Variants in GSTM2 observed in about 807,000 individuals in gnomAD.
GSTM2 encodes glutathione S-transferase mu 2.
Under a neutral mutation model 33.3 loss-of-function variants are expected in GSTM2, and 33 were observed. That is an observed-to-expected ratio of 0.99 (90% CI 0.75 to 1.33). The LOEUF (loss-of-function observed/expected upper bound fraction) is 1.33, where lower values mean the gene tolerates loss of function less well. GSTM2 is among the 40% of genes most tolerant of loss of function. The pLI, the probability that GSTM2 is intolerant of heterozygous loss-of-function variation, is 0.00. For missense variants in GSTM2, 213 were observed against 265.8 expected (o/e 0.80, Z 1.38); for synonymous variants, 93 against 95.6 (o/e 0.97, Z 0.16).
chr1:109,673,614 G>A (rs555039616), intron 7 of GSTM2: 5 of 244,596 alleles, frequency 2.0e-5, no homozygotes, highest in Admixed American at 1.0e-4. Context: ...GCTATGGCCC[G>A]TTATGTGCCA....
At chr1:109,678,133 T>C (rs929559371), downstream of GSTM2, among the ~76,000 whole-genome samples, 39 of 152,152 alleles carry the variant, frequency 2.6e-4, no homozygotes, top group African/African-American at 6.5e-4. Context: ...TCTACAGTTT[T>C]TTCTCTTTAA....
At chr1:109,673,216 G>A in intron 7 of GSTM2, 1 of 1,612,024 alleles carries the variant, frequency 6.2e-7, no homozygotes, top group Non-Finnish European at 8.5e-7. Context: ...TTCCCCCTGT[G>A]AGATGAGTAG....
At chr1:109,672,091 C>A (rs917321140) in intron 7 of GSTM2, among the ~76,000 whole-genome samples, 1 of 150,122 alleles carries the variant, frequency 6.7e-6, no homozygotes, top group Non-Finnish European at 1.5e-5. Flanking sequence ...ACCAGCCTGA[C>A]CAACATGGTG....
At chr1:109,671,198 G>C in intron 5 of GSTM2, 89 bp from the exon 6 acceptor site, 1 of 869,874 alleles carries the variant, frequency 1.1e-6, no homozygotes, top group South Asian at 1.4e-5. Context: ...GCTTGCCCGC[G>C]GCCAGCTGGG....
chr1:109,678,678 T>A (rs1229611153), downstream of GSTM2, among the ~76,000 whole-genome samples: 1 of 150,610 alleles, frequency 6.6e-6, no homozygotes, highest in African/African-American at 2.4e-5. Flanking sequence ...GACAATTGCT[T>A]GAACTCAGGA....
downstream of GSTM2, among the ~76,000 whole-genome samples, chr1:109,677,565 A>G (rs569612589): frequency 7.2e-5 from 11 of 152,330 alleles, no homozygotes; most frequent in South Asian, 2.1e-3. Flanking sequence ...AAGGACACAC[A>G]ATCTCATTCC....
chr1:109,668,096 A>G lies in GSTM2; in HGVS notation c.-20A>G, dbSNP rs774892212. 4 of 1,613,798 alleles carry G rather than the reference A, an allele frequency of 2.5e-6. No homozygotes were observed. Among genetic ancestry groups the G allele is most frequent in the African/African-American group, 1.3e-5 (1 of 75,028 alleles). On this transcript the variant is annotated 5_prime_UTR_variant, in exon 1 of 8. Coordinates refer to ENST00000241337, the MANE Select transcript of GSTM2 (RefSeq NM_000848.4). ...CCGCCCCGCTGAGGCCTGTCTGCAG[A>G]ATCCACAGCAACCAGCACCATGCCC... is the stretch of plus-strand genomic sequence containing the variant.
chr1:109,672,141 G>A (rs1407967092), intron 7 of GSTM2, among the ~76,000 whole-genome samples: 12 of 151,934 alleles, frequency 7.9e-5, no homozygotes, highest in African/African-American at 2.4e-4. Context: ...TTAGCTGGGC[G>A]TGGTGGCACA....
intron 5 of GSTM2, chr1:109,669,882 AG>A (rs998643774): frequency 6.1e-5 from 19 of 312,840 alleles, no homozygotes; most frequent in African/African-American, 3.8e-4. Context: ...GCGCGTCTGG[AG>A]TTGTTTATTC....
intron 7 of GSTM2, chr1:109,673,052 T>A (rs1647601772): frequency 3.7e-6 from 3 of 803,380 alleles, no homozygotes; most frequent in Non-Finnish European, 6.0e-6. Context: ...GTATTTTTAG[T>A]AGAGATGGGG....
At chr1:109,668,309 G>C (rs568707069) in intron 1 of GSTM2, 116 bp from the exon 2 acceptor site, 1 of 1,370,024 alleles carries the variant, frequency 7.3e-7, no homozygotes, top group Admixed American at 1.7e-5. Context: ...TGGGCGTGCG[G>C]GGTGGGGGCG....
intron 2 of GSTM2, 90 bp from the exon 3 acceptor site, chr1:109,668,835 G>A (rs928048098): frequency 1.4e-6 from 2 of 1,450,746 alleles, no homozygotes; most frequent in Non-Finnish European, 1.9e-6. Context: ...CCTGTCTCAG[G>A]GGTCTTGCCA....
In GSTM2 at chr1:109,674,734, TC is replaced by T. The variant is rs752318495; in HGVS notation, c.568-7del. 1 of 1,613,844 alleles carries T rather than the reference TC, an allele frequency of 6.2e-7. No individual in the cohort carries two copies. On this transcript the variant is annotated splice_polypyrimidine_tract_variant and intron_variant, in intron 7 of 7. Transcript: ENST00000241337. ...CTGACCTTGAGTTCTGGCCTTATTT[TC>T]CCCCCTCTCAGGGCTTGGAGAAGAT...
chr1:109,673,212 C>T, intron 7 of GSTM2: 1 of 1,612,042 alleles, frequency 6.2e-7, no homozygotes, highest in Non-Finnish European at 8.5e-7. Flanking sequence ...GGTGTTCCCC[C>T]TGTGAGATGA....
chr1:109,673,748 G>A (rs575173205), intron 7 of GSTM2, among the ~76,000 whole-genome samples: 25 of 152,144 alleles, frequency 1.6e-4, no homozygotes, highest in African/African-American at 5.3e-4. Flanking sequence ...ACAGGTGCCC[G>A]CCACCATGAC....
chr1:109,669,413 C>G, intron 4 of GSTM2, 42 bp downstream of exon 4: 1 of 1,613,226 alleles, frequency 6.2e-7, no homozygotes, highest in Non-Finnish European at 8.5e-7. Context: ...GGACCGTGGC[C>G]TCCTCCTCGG....
intron 7 of GSTM2, among the ~76,000 whole-genome samples, chr1:109,672,403 G>T (rs1647577826): frequency 1.3e-5 from 2 of 152,210 alleles, no homozygotes; most frequent in Non-Finnish European, 2.9e-5. Flanking sequence ...CCTACAGGGT[G>T]GTAGAATTAT....
At chr1:109,681,799 T>C (rs1299971302) in intron 7 of GSTM2, 2 of 1,593,116 alleles carry the variant, frequency 1.3e-6, no homozygotes, top group Admixed American at 1.7e-5. Context: ...TTTTCTTTTC[T>C]CTGAGGTAGC....
intron 5 of GSTM2, 149 bp from the exon 6 acceptor site, chr1:109,671,138 C>A: frequency 1.5e-6 from 1 of 657,854 alleles, no homozygotes; most frequent in Non-Finnish European, 2.8e-6. Context: ...GCTGATGTAT[C>A]CAGCTGAAGC....
Sources: allele counts gnomAD v4.1 joint callset (sites outside exome capture counted in the v4.1 genomes callset), GRCh38; gene constraint gnomAD v4.1.1; transcripts MANE v1.5; gene names NCBI Gene and HGNC (gene_info 2026-07-23, HGNC 2026-07-21).